The following FDFT1 variants were observed in gnomAD, a reference collection of about 807,000 sequenced individuals.
FDFT1 encodes the protein farnesyl-diphosphate farnesyltransferase 1.
A neutral mutation model predicts 46.8 loss-of-function variants in FDFT1; 68 were observed. The ratio of observed to expected loss-of-function variants is 1.45; its 90% CI spans 1.19 to 1.78. The LOEUF (loss-of-function observed/expected upper bound fraction) is 1.78, where lower values mean the gene tolerates loss of function less well. FDFT1 is among the 40% of genes most tolerant of loss of function. FDFT1 has a pLI of 0.00. For synonymous variants in FDFT1, 351 were observed against 185.1 expected, an observed-to-expected ratio of 1.90 and a Z score of -7.28; for missense variants, 928 against 524.4, an observed-to-expected ratio of 1.77 and a Z score of -7.52.
intron 7 of FDFT1, among the ~76,000 whole-genome samples, chr8:11,833,418 T>G (rs1222830196): frequency 2.6e-5 from 4 of 152,360 alleles, no homozygotes; most frequent in African/African-American, 9.6e-5. Context: ...CACTATTTAT[T>G]CATTTTATAT....
chr8:11,836,740 T>C (rs970167202), intron 7 of FDFT1, among the ~76,000 whole-genome samples: 15 of 152,348 alleles, frequency 9.8e-5, no homozygotes, highest in African/African-American at 3.1e-4. Flanking sequence ...TGGATGCTTG[T>C]ATTGAAAAGT....
chr8:11,804,930 G>A (rs113063644), intron 1 of FDFT1, among the ~76,000 whole-genome samples: 1 of 146,980 alleles, frequency 6.8e-6, no homozygotes, highest in Non-Finnish European at 1.5e-5. Context: ...TTTTTTGAGG[G>A]GGGGGTCTCA....
intron 1 of FDFT1, among the ~76,000 whole-genome samples, chr8:11,804,701 G>A (rs1280563206): frequency 2.1e-5 from 3 of 145,840 alleles, no homozygotes; most frequent in East Asian, 2.1e-4. Context: ...CCGCCTCCTG[G>A]GTTCAAGCAA....
At chr8:11,821,932 C>G in intron 4 of FDFT1, 54 bp downstream of exon 4, 1 of 1,587,242 alleles carries the variant, frequency 6.3e-7, no homozygotes, top group South Asian at 1.1e-5. Flanking sequence ...AGCTGGCAGT[C>G]CTCATAGTGA....
intron 1 of FDFT1, chr8:11,808,366 G>A (rs1807166840): frequency 4.9e-6 from 6 of 1,234,486 alleles, no homozygotes; most frequent in Non-Finnish European, 6.1e-6. Flanking sequence ...GCGGGAGGCC[G>A]GGGGCGGGGC....
chr8:11,820,881 T>C, intron 3 of FDFT1, among the ~76,000 whole-genome samples: 1 of 152,206 alleles, frequency 6.6e-6, no homozygotes, highest in Non-Finnish European at 1.5e-5. Context: ...GCACCCACTG[T>C]CCAACCAGTG....
intron 5 of FDFT1, among the ~76,000 whole-genome samples, chr8:11,829,963 T>A (rs2130867754): frequency 6.6e-6 from 1 of 152,274 alleles, no homozygotes; most frequent in East Asian, 1.9e-4. Flanking sequence ...TTCTTCTGTC[T>A]CACCCTCCTG....
chr8:11,808,171 A>G, intron 1 of FDFT1: 1 of 792,106 alleles, frequency 1.3e-6, no homozygotes, highest in East Asian at 6.8e-5. Flanking sequence ...GCAAAGACAG[A>G]TGCGTTGAGT....
chr8:11,802,642 C>T (rs890957929), upstream of FDFT1: 2 of 597,546 alleles, frequency 3.3e-6, no homozygotes, highest in Admixed American at 2.9e-5. Flanking sequence ...CCCACGAGGC[C>T]GCAGCTAGCC....
intron 3 of FDFT1, among the ~76,000 whole-genome samples, chr8:11,812,006 C>G (rs188164857): frequency 2.8e-4 from 42 of 152,308 alleles, no homozygotes; most frequent in Non-Finnish European, 4.3e-4. Flanking sequence ...CTGCAATCAG[C>G]TTTTGGCTAA....
At chr8:11,796,279 G>C (rs531571269) in intron 1 of FDFT1, among the ~76,000 whole-genome samples, 25 of 152,322 alleles carry the variant, frequency 1.6e-4, no homozygotes, top group African/African-American at 5.8e-4. Context: ...TGTGTTCTGA[G>C]CTTTCTAGGA....
At chr8:11,833,761 G>A (rs955338844) in intron 7 of FDFT1, among the ~76,000 whole-genome samples, 1 of 152,184 alleles carries the variant, frequency 6.6e-6, no homozygotes, top group Non-Finnish European at 1.5e-5. Flanking sequence ...GCGATGACTT[G>A]TAAAGCTGAA....
chr8:11,826,452 C>T (rs577704221), intron 5 of FDFT1, among the ~76,000 whole-genome samples: 6 of 152,298 alleles, frequency 3.9e-5, no homozygotes, highest in Middle Eastern at 3.4e-3. Flanking sequence ...TTCTTTCAGA[C>T]GGTCTTTCTC....
chr8:11,826,175 T>G lies in FDFT1; in HGVS notation c.662T>G (p.Leu221Arg). 6.3e-7 allele frequency: 1 copy of G among 1,590,298 alleles called. No homozygotes were observed. Among genetic ancestry groups the G allele is most frequent in the Non-Finnish European group, 8.6e-7 (1 of 1,162,374 alleles). The change falls in exon 5 of 8, where the codon CTG becomes CGG. Residue 221 changes from leucine (L) to arginine (R), a missense_variant. By Grantham distance (102) the Leu-to-Arg change is moderately radical (BLOSUM62 -2). Transcript: ENST00000220584. ...AAAACAAACATCATCCGTGACTATC[T>G]GGAAGACCAGCAAGGAGGAAGAGAG... Reference protein sequence around the residue: ...LQKTNIIRDYLEDQQGGREFW... With the variant: ...LQKTNIIRDYREDQQGGREFW...
At chr8:11,831,403 AG>A in intron 6 of FDFT1, 114 bp from the exon 7 acceptor site, 2 of 837,346 alleles carry the variant, frequency 2.4e-6, no homozygotes, top group Middle Eastern at 2.7e-4. Flanking sequence ...ATTCCATCTT[AG>A]TTGATTAGCA....
chr8:11,806,708 T>C (rs1348183196), intron 1 of FDFT1, among the ~76,000 whole-genome samples: 2 of 152,188 alleles, frequency 1.3e-5, no homozygotes, highest in East Asian at 1.9e-4. Flanking sequence ...GGTCAGGCTA[T>C]GTGAAGAGCT....
At chr8:11,809,484 C>A in intron 2 of FDFT1, 183 bp from the exon 3 acceptor site, 1 of 1,322,452 alleles carries the variant, frequency 7.6e-7, no homozygotes, top group Non-Finnish European at 9.7e-7. Flanking sequence ...AAGTTCATTA[C>A]TCTCATGTAA....
intron 3 of FDFT1, among the ~76,000 whole-genome samples, chr8:11,820,296 T>A (rs9644689): frequency 0.19 from 29,101 of 152,100 alleles, 3,346 homozygotes; most frequent in African/African-American, 0.32. Context: ...TCAGGCTACA[T>A]GGGGCTCAGG....
At chr8:11,823,871 T>C (rs532324714) in intron 4 of FDFT1, among the ~76,000 whole-genome samples, 119 of 152,182 alleles carry the variant, frequency 7.8e-4, no homozygotes, top group African/African-American at 2.8e-3. Flanking sequence ...AGCCTCCCCA[T>C]TAGCTGGGAC....
Sources: allele counts gnomAD v4.1 joint callset (sites outside exome capture counted in the v4.1 genomes callset), GRCh38; gene constraint gnomAD v4.1.1; transcripts MANE v1.5; gene names NCBI Gene and HGNC (gene_info 2026-07-23, HGNC 2026-07-21).